SORCS3: variants seen among roughly 807,000 people sequenced by gnomAD.
SORCS3 encodes the protein VPS10 domain-containing receptor SorCS3.
Under a neutral mutation model 146.3 loss-of-function variants are expected in SORCS3, and 57 were observed. The observed-to-expected ratio is 0.39, with a 90% CI of 0.31 to 0.49. The LOEUF (loss-of-function observed/expected upper bound fraction) is 0.49. Among genes scored for constraint, SORCS3 ranks in the 20% least tolerant of loss-of-function variants. The pLI is 0.92. For synonymous variants in SORCS3, 653 were observed against 618.5 expected, an observed-to-expected ratio of 1.06 and a Z score of -0.83; for missense variants, 1,341 against 1,575.5, an observed-to-expected ratio of 0.85 and a Z score of 2.52.
intron 2 of SORCS3, among the ~76,000 whole-genome samples, chr10:104,853,930 C>T (rs2018301521): frequency 6.6e-6 from 1 of 152,116 alleles, no homozygotes; most frequent in African/African-American, 2.4e-5. Flanking sequence ...TTATAAAAAC[C>T]TTGCAAGGGT....
intron 1 of SORCS3, among the ~76,000 whole-genome samples, chr10:104,778,564 A>C (rs921320918): frequency 6.6e-6 from 1 of 152,248 alleles, no homozygotes; most frequent in Non-Finnish European, 1.5e-5. Flanking sequence ...GATAACATGC[A>C]TCAAAGCACC....
chr10:105,092,743 AT>A (rs1397142163), intron 6 of SORCS3, among the ~76,000 whole-genome samples: 1 of 152,120 alleles, frequency 6.6e-6, no homozygotes, highest in East Asian at 1.9e-4. Flanking sequence ...CACATAGCTA[AT>A]TGGCGATAGG....
intron 20 of SORCS3, among the ~76,000 whole-genome samples, chr10:105,236,617 G>C (rs534311183): frequency 6.6e-6 from 1 of 152,278 alleles, no homozygotes; most frequent in African/African-American, 2.4e-5. Context: ...TTAGGGGCCT[G>C]TGAGGAATGG....
intron 5 of SORCS3, among the ~76,000 whole-genome samples, chr10:105,078,415 C>T (rs770981035): frequency 4.6e-5 from 7 of 151,874 alleles, no homozygotes; most frequent in Non-Finnish European, 7.4e-5. Context: ...CTAAAGGTGG[C>T]GTGAGATAGA....
At chr10:104,717,257 C>T (rs1006245361) in intron 1 of SORCS3, among the ~76,000 whole-genome samples, 2 of 149,394 alleles carry the variant, frequency 1.3e-5, no homozygotes, top group African/African-American at 4.9e-5. Flanking sequence ...TGCACTCCAG[C>T]CTGGGTGACA....
intron 5 of SORCS3, among the ~76,000 whole-genome samples, chr10:105,045,326 T>C (rs2055364127): frequency 1.3e-5 from 2 of 152,200 alleles, no homozygotes; most frequent in Non-Finnish European, 2.9e-5. Flanking sequence ...AATTGTGTTT[T>C]GTCTCTTCTC....
At chr10:105,094,934 A>T (rs895548525) in intron 6 of SORCS3, among the ~76,000 whole-genome samples, 33 of 152,312 alleles carry the variant, frequency 2.2e-4, no homozygotes, top group South Asian at 2.1e-4. Context: ...ATGAGGGAAC[A>T]GGTAGGTAGC....
At chr10:105,242,821 ATATATAAATTATATATATAT>A (rs2056842080) in intron 20 of SORCS3, among the ~76,000 whole-genome samples, 2 of 61,050 alleles carry the variant, frequency 3.3e-5, no homozygotes, top group African/African-American at 1.2e-4. Context: ...ATATATTTTT[ATATATAAATTATATATATAT>A]TTTTATATAT....
chr10:104,849,088 A>G (rs1054939869), intron 2 of SORCS3, among the ~76,000 whole-genome samples: 1 of 152,008 alleles, frequency 6.6e-6, no homozygotes, highest in African/African-American at 2.4e-5. Context: ...ATTATATCCT[A>G]TTTTTCCATT....
intron 20 of SORCS3, among the ~76,000 whole-genome samples, chr10:105,229,505 G>A (rs1360201716): frequency 2.6e-5 from 4 of 152,140 alleles, no homozygotes; most frequent in Non-Finnish European, 5.9e-5. Flanking sequence ...ATTTGCTTTT[G>A]TAGGGAGGGA....
At chr10:105,028,421 C>T (rs529108411) in intron 4 of SORCS3, among the ~76,000 whole-genome samples, 1 of 152,280 alleles carries the variant, frequency 6.6e-6, no homozygotes, top group East Asian at 1.9e-4. Flanking sequence ...TCCAGTCTTG[C>T]CATGTCTTTG....
At chr10:105,165,290 G>T (rs1234687627) in intron 12 of SORCS3, among the ~76,000 whole-genome samples, 1 of 152,116 alleles carries the variant, frequency 6.6e-6, no homozygotes, top group Non-Finnish European at 1.5e-5. Context: ...AAAGAAAAGA[G>T]ACGAATTGAT....
At chr10:105,190,641 A>G (rs957005448) in intron 14 of SORCS3, among the ~76,000 whole-genome samples, 1 of 152,126 alleles carries the variant, frequency 6.6e-6, no homozygotes, top group Non-Finnish European at 1.5e-5. Context: ...TGACCTCATG[A>G]TCTGCCCACC....
At chr10:104,898,410 G>A (rs1289625446) in intron 2 of SORCS3, among the ~76,000 whole-genome samples, 4 of 152,124 alleles carry the variant, frequency 2.6e-5, no homozygotes, top group Non-Finnish European at 5.9e-5. Context: ...TGGTAGGTAC[G>A]GTATGTTTCT....
At chr10:104,648,709 G>A (rs2015524894) in intron 1 of SORCS3, among the ~76,000 whole-genome samples, 1 of 152,092 alleles carries the variant, frequency 6.6e-6, no homozygotes, top group Non-Finnish European at 1.5e-5. Flanking sequence ...GGAATATTTT[G>A]CTCATTTATT....
intron 7 of SORCS3, among the ~76,000 whole-genome samples, chr10:105,119,865 C>T (rs1294732006): frequency 6.6e-6 from 1 of 152,114 alleles, no homozygotes; most frequent in Non-Finnish European, 1.5e-5. Flanking sequence ...AGGGACTTGC[C>T]TTGTCTCAGA....
chr10:104,742,247 C>A (rs1565423), intron 1 of SORCS3, among the ~76,000 whole-genome samples: 26,845 of 151,982 alleles, frequency 0.18, 3,008 homozygotes, highest in South Asian at 0.27. Context: ...CTTGAAGTTT[C>A]CCAGAAAATT....
At chr10:104,862,623 ATG>A (rs1397802351) in intron 2 of SORCS3, among the ~76,000 whole-genome samples, 1 of 151,660 alleles carries the variant, frequency 6.6e-6, no homozygotes, top group African/African-American at 2.4e-5. Flanking sequence ...TATCATTTGT[ATG>A]TGTTTTTAAA....
intron 1 of SORCS3, among the ~76,000 whole-genome samples, chr10:104,670,657 A>AT (rs1168074846): frequency 6.6e-6 from 1 of 152,194 alleles, no homozygotes; most frequent in Admixed American, 6.5e-5. Flanking sequence ...CGTTTTAGCT[A>AT]TTCAGGCTCC....
Sources: allele counts gnomAD v4.1 joint callset (sites outside exome capture counted in the v4.1 genomes callset), GRCh38; gene constraint gnomAD v4.1.1; transcripts MANE v1.5; gene names NCBI Gene and HGNC (gene_info 2026-07-23, HGNC 2026-07-21).